The following WWOX variants were observed in gnomAD, a reference collection of about 807,000 sequenced individuals.
The protein encoded by WWOX is WW domain containing oxidoreductase.
WWOX carries 69 observed loss-of-function variants against 46.2 expected under a neutral mutation model. The ratio of observed to expected loss-of-function variants is 1.49; its 90% CI spans 1.23 to 1.82. The LOEUF is 1.82. WWOX is among the 40% of genes most tolerant of loss of function. WWOX has a pLI of 0.00. For missense variants in WWOX, 919 were observed against 542.6 expected (o/e 1.69, Z -6.89); for synonymous variants, 359 against 202.6 (o/e 1.77, Z -6.56).
At chr16:78,934,163 G>T (rs960032463) in intron 8 of WWOX, among the ~76,000 whole-genome samples, 2 of 151,486 alleles carry the variant, frequency 1.3e-5, no homozygotes, top group African/African-American at 2.4e-5. Context: ...GTGAAACCCC[G>T]TCTCTACTAA....
At chr16:78,718,279 A>C (rs1318205240) in intron 8 of WWOX, among the ~76,000 whole-genome samples, 1 of 152,020 alleles carries the variant, frequency 6.6e-6, no homozygotes, top group African/African-American at 2.4e-5. Context: ...TTCCATGTTA[A>C]GAGAAAAGTC....
At chr16:78,308,180 C>T (rs963778676) in intron 5 of WWOX, among the ~76,000 whole-genome samples, 19 of 152,138 alleles carry the variant, frequency 1.2e-4, no homozygotes, top group Admixed American at 6.5e-5. Flanking sequence ...TAGTGGCCAG[C>T]ACCATGCCAC....
chr16:78,237,927 A>C (rs1021897507), intron 5 of WWOX, among the ~76,000 whole-genome samples: 1 of 152,198 alleles, frequency 6.6e-6, no homozygotes, highest in African/African-American at 2.4e-5. Flanking sequence ...GTCCAACAAC[A>C]ATTTTCAGTC....
intron 5 of WWOX, among the ~76,000 whole-genome samples, chr16:78,277,512 A>G (rs1431130055): frequency 6.6e-6 from 1 of 152,008 alleles, no homozygotes; most frequent in African/African-American, 2.4e-5. Flanking sequence ...TAGAGGGAAT[A>G]TTAACATAGC....
intron 8 of WWOX, chr16:79,203,292 G>T (rs765230147): frequency 1.3e-5 from 2 of 152,204 alleles, no homozygotes; most frequent in Non-Finnish European, 2.9e-5. Flanking sequence ...CTTGGAACCT[G>T]AGAAATGGTC....
chr16:78,547,549 A>C (rs2044070669), intron 8 of WWOX, among the ~76,000 whole-genome samples: 1 of 152,166 alleles, frequency 6.6e-6, no homozygotes, highest in Non-Finnish European at 1.5e-5. Context: ...CTTGTGCTTT[A>C]GTCTGTCCTG....
At chr16:78,905,928 T>C (rs1567639725) in intron 8 of WWOX, among the ~76,000 whole-genome samples, 1 of 152,156 alleles carries the variant, frequency 6.6e-6, no homozygotes, top group Non-Finnish European at 1.5e-5. Flanking sequence ...TTCCCACCTA[T>C]GTTGATTAAT....
chr16:78,888,121 T>G (rs1478586637), intron 8 of WWOX, among the ~76,000 whole-genome samples: 1 of 152,210 alleles, frequency 6.6e-6, no homozygotes, highest in Non-Finnish European at 1.5e-5. Flanking sequence ...CTTGTTGTAG[T>G]GTCAGTGCCA....
At chr16:78,730,822 G>A (rs1029598402) in intron 8 of WWOX, among the ~76,000 whole-genome samples, 2 of 151,928 alleles carry the variant, frequency 1.3e-5, no homozygotes, top group Admixed American at 6.6e-5. Flanking sequence ...CTTATCACTT[G>A]GAATGTGGAG....
intron 8 of WWOX, among the ~76,000 whole-genome samples, chr16:78,993,900 G>A (rs1366746973): frequency 6.6e-6 from 1 of 152,174 alleles, no homozygotes; most frequent in African/African-American, 2.4e-5. Context: ...GTTGGGTGCA[G>A]GCATTATTTC....
At chr16:79,125,743 G>T (rs577583545) in intron 8 of WWOX, among the ~76,000 whole-genome samples, 6 of 152,228 alleles carry the variant, frequency 3.9e-5, no homozygotes, top group African/African-American at 1.2e-4. Context: ...CTTTGGGGCA[G>T]TGCCAGGATT....
intron 8 of WWOX, among the ~76,000 whole-genome samples, chr16:78,862,887 A>G (rs1409834617): frequency 2.6e-5 from 4 of 152,158 alleles, no homozygotes; most frequent in African/African-American, 9.7e-5. Context: ...ATAATGTTTA[A>G]CATAATATCT....
chr16:79,060,123 C>T (rs576656158), intron 8 of WWOX, among the ~76,000 whole-genome samples: 1 of 152,252 alleles, frequency 6.6e-6, no homozygotes, highest in African/African-American at 2.4e-5. Flanking sequence ...CTGTGTCAAC[C>T]ACCATTGTCC....
chr16:78,724,777 G>A (rs576139772), intron 8 of WWOX, among the ~76,000 whole-genome samples: 1 of 152,130 alleles, frequency 6.6e-6, no homozygotes, highest in Non-Finnish European at 1.5e-5. Context: ...CTGGGGAGCA[G>A]TGATTTGATG....
chr16:78,695,543 G>T (rs370720007), intron 8 of WWOX, among the ~76,000 whole-genome samples: 3 of 152,204 alleles, frequency 2.0e-5, no homozygotes, highest in African/African-American at 7.2e-5. Flanking sequence ...TCCCACCTGT[G>T]AGGCTATGGT....
intron 8 of WWOX, among the ~76,000 whole-genome samples, chr16:78,926,737 A>G (rs773282818): frequency 6.6e-6 from 1 of 152,162 alleles, no homozygotes; most frequent in Non-Finnish European, 1.5e-5. Flanking sequence ...AAGTCTTTCT[A>G]CATTTCTAGA....
intron 8 of WWOX, among the ~76,000 whole-genome samples, chr16:78,927,452 G>A (rs1216620420): frequency 6.6e-6 from 1 of 152,130 alleles, no homozygotes; most frequent in African/African-American, 2.4e-5. Context: ...TAAATTCTCT[G>A]TGGGTAAAAG....
chr16:78,317,370 C>T (rs534450998), intron 5 of WWOX, among the ~76,000 whole-genome samples: 1 of 152,112 alleles, frequency 6.6e-6, no homozygotes. Context: ...GTGTTTGTTA[C>T]AGTGTGATGG....
intron 8 of WWOX, among the ~76,000 whole-genome samples, chr16:79,142,757 G>A (rs1450162854): frequency 6.6e-6 from 1 of 152,146 alleles, no homozygotes; most frequent in Admixed American, 6.5e-5. Context: ...GGACTGCAGT[G>A]GCACCATTAT....
Sources: allele counts gnomAD v4.1 joint callset (sites outside exome capture counted in the v4.1 genomes callset), GRCh38; gene constraint gnomAD v4.1.1; transcripts MANE v1.5; gene names NCBI Gene and HGNC (gene_info 2026-07-23, HGNC 2026-07-21).